FRMD4A: variants seen among roughly 807,000 people sequenced by gnomAD.
FRMD4A encodes FERM domain-containing protein 4A.
In FRMD4A, 29 loss-of-function variants were observed where a neutral mutation model predicts 129.1. The observed-to-expected ratio is 0.22, with a 90% CI of 0.17 to 0.31. The LOEUF is 0.31. FRMD4A is among the 10% of genes least tolerant of loss of function. FRMD4A has a pLI of 1.00. For missense variants in FRMD4A, 1,272 were observed against 1,375.8 expected (o/e 0.92, Z 1.19); for synonymous variants, 634 against 571.6 (o/e 1.11, Z -1.56).
chr10:14,064,021 G>A (rs556548080), intron 2 of FRMD4A, among the ~76,000 whole-genome samples: 1 of 152,100 alleles, frequency 6.6e-6, no homozygotes, highest in African/African-American at 2.4e-5. Context: ...ATCAAGTCAT[G>A]TTCTTCCCGC....
chr10:13,763,868 T>G (rs897568251), intron 6 of FRMD4A, among the ~76,000 whole-genome samples: 4 of 152,034 alleles, frequency 2.6e-5, no homozygotes, highest in Non-Finnish European at 5.9e-5. Context: ...CCCGAGTAGC[T>G]GGGACTACAG....
intron 4 of FRMD4A, among the ~76,000 whole-genome samples, chr10:13,808,876 G>A (rs772544487): frequency 1.3e-5 from 2 of 152,164 alleles, no homozygotes; most frequent in Non-Finnish European, 2.9e-5. Flanking sequence ...CCAGAAGGAT[G>A]GCTCACTCCT....
intron 14 of FRMD4A, among the ~76,000 whole-genome samples, chr10:13,699,785 G>C (rs945851437): frequency 6.6e-6 from 1 of 152,112 alleles, no homozygotes. Flanking sequence ...GCAAAACCCT[G>C]ACACCCACCC....
intron 2 of FRMD4A, among the ~76,000 whole-genome samples, chr10:14,049,392 T>C (rs1392224256): frequency 6.6e-6 from 1 of 152,164 alleles, no homozygotes; most frequent in Non-Finnish European, 1.5e-5. Context: ...AGCAATGCAC[T>C]GGCAAGTATT....
chr10:14,127,845 T>G (rs1838929633), intron 2 of FRMD4A, among the ~76,000 whole-genome samples: 1 of 152,238 alleles, frequency 6.6e-6, no homozygotes, highest in Non-Finnish European at 1.5e-5. Flanking sequence ...CTCTGAAGCC[T>G]TCCTAAATTA....
At chr10:14,319,868 T>C (rs1846907320) in intron 2 of FRMD4A, among the ~76,000 whole-genome samples, 1 of 152,186 alleles carries the variant, frequency 6.6e-6, no homozygotes, top group Admixed American at 6.5e-5. Flanking sequence ...CCTCAGTCAA[T>C]AGAAAGCTAT....
intron 24 of FRMD4A, among the ~76,000 whole-genome samples, chr10:13,650,244 A>G (rs924483195): frequency 1.3e-5 from 2 of 152,152 alleles, no homozygotes; most frequent in African/African-American, 4.8e-5. Flanking sequence ...AACTTACAGA[A>G]CCAACTGGTG....
rs78754220 is a variant in FRMD4A at position 13,730,503 on chromosome 10, A to G, written c.759+7341T>C. 8.0e-3 allele frequency among the ~76,000 whole-genome samples: 1,214 copies of G among 152,032 alleles called. 51 individuals carry two copies. The highest frequency in any genetic ancestry group is 0.063 in the Admixed American group (961 of 15,284). On this transcript the variant is annotated intron_variant, in intron 12 of 24. Coordinates refer to ENST00000357447, the MANE Select transcript of FRMD4A (RefSeq NM_018027.5). The stretch of plus-strand genomic sequence containing the variant: ...CTGATGGCCTAGCTCTCTTTACTCC[A>G]CCGTAAATGCAAACTAAGACGAAAC...
At chr10:13,807,322 T>C (rs888370350) in intron 4 of FRMD4A, among the ~76,000 whole-genome samples, 2 of 152,154 alleles carry the variant, frequency 1.3e-5, no homozygotes, top group African/African-American at 2.4e-5. Flanking sequence ...TCGTAAAAAA[T>C]TGGGGAAATC....
chr10:14,312,790 TGA>T (rs1372791610), intron 2 of FRMD4A, among the ~76,000 whole-genome samples: 10 of 151,938 alleles, frequency 6.6e-5, no homozygotes, highest in African/African-American at 2.4e-4. Flanking sequence ...CACCTGAGCC[TGA>T]GAGATGGAGG....
At chr10:13,978,391 G>A (rs1370999884) in intron 2 of FRMD4A, among the ~76,000 whole-genome samples, 1 of 152,066 alleles carries the variant, frequency 6.6e-6, no homozygotes, top group Non-Finnish European at 1.5e-5. Context: ...TCTCTCAACA[G>A]CCCCTCCATA....
In FRMD4A at chr10:13,728,631, C is replaced by T. The variant is rs181794283; in HGVS notation, c.759+9213G>A. 2.9e-3 allele frequency among the ~76,000 whole-genome samples: 369 copies of T among 128,224 alleles called. 1 individual carries two copies. The highest frequency in any genetic ancestry group is 0.012 in the Middle Eastern group (2 of 168). The allele number at this position is 128,224 out of a possible 152,430, so 84.1% of individuals were successfully genotyped here. On this transcript the variant is annotated intron_variant, in intron 12 of 24. Coordinates refer to ENST00000357447, the MANE Select transcript of FRMD4A (RefSeq NM_018027.5). ...TGTTGCCCAGGCTGGAGTGCAGTGG[C>T]GTGATCTCGGCTCCCTGCAACTTCT...
At chr10:14,068,541 T>G (rs1473212483) in intron 2 of FRMD4A, among the ~76,000 whole-genome samples, 1 of 152,224 alleles carries the variant, frequency 6.6e-6, no homozygotes, top group Non-Finnish European at 1.5e-5. Context: ...ATTAAGTAGT[T>G]GTACTTGGAG....
chr10:14,084,875 A>T (rs1836168745), intron 2 of FRMD4A, among the ~76,000 whole-genome samples: 1 of 150,492 alleles, frequency 6.6e-6, no homozygotes, highest in South Asian at 2.1e-4. Context: ...CTTTTTCCTC[A>T]CTCCTTCTGC....
intron 2 of FRMD4A, among the ~76,000 whole-genome samples, chr10:14,056,249 C>T (rs1314070674): frequency 6.6e-6 from 1 of 152,142 alleles, no homozygotes; most frequent in African/African-American, 2.4e-5. Flanking sequence ...CCAGGCTGGT[C>T]TTGAACTCCT....
chr10:13,900,419 T>A (rs1380412413), intron 2 of FRMD4A, among the ~76,000 whole-genome samples: 1 of 152,200 alleles, frequency 6.6e-6, no homozygotes, highest in Non-Finnish European at 1.5e-5. Flanking sequence ...CAAGGCTTCC[T>A]GAAACACAGA....
At chr10:14,200,920 G>C (rs575953999) in intron 2 of FRMD4A, among the ~76,000 whole-genome samples, 4 of 152,304 alleles carry the variant, frequency 2.6e-5, no homozygotes, top group African/African-American at 9.6e-5. Flanking sequence ...TCCCCATGAA[G>C]CCATTCTGGC....
At chr10:14,166,522 A>G (rs117779427) in intron 2 of FRMD4A, among the ~76,000 whole-genome samples, 3,382 of 152,346 alleles carry the variant, frequency 0.022, 54 homozygotes, top group Non-Finnish European at 0.038. Context: ...AAGTAAAGTC[A>G]CTGAAACATT....
At chr10:13,881,422 G>A (rs11258692) in intron 2 of FRMD4A, among the ~76,000 whole-genome samples, 48,264 of 151,764 alleles carry the variant, frequency 0.32, 7,888 homozygotes, top group Non-Finnish European at 0.36. Flanking sequence ...GAATGGGCCA[G>A]AGAGAGACAG....
Sources: allele counts gnomAD v4.1 joint callset (sites outside exome capture counted in the v4.1 genomes callset), GRCh38; gene constraint gnomAD v4.1.1; transcripts MANE v1.5; gene names NCBI Gene and HGNC (gene_info 2026-07-23, HGNC 2026-07-21).